Variants in CCDC158 observed in about 807,000 individuals in gnomAD.
CCDC158 encodes the protein coiled-coil domain-containing protein 158.
Under a neutral mutation model 138.6 loss-of-function variants are expected in CCDC158, and 116 were observed. That is an observed-to-expected ratio of 0.84 (90% CI 0.72 to 0.98). The LOEUF (loss-of-function observed/expected upper bound fraction) is 0.98, where lower values mean the gene tolerates loss of function less well. CCDC158 is among the 50% of genes least tolerant of loss of function. The probability of loss-of-function intolerance (pLI) is 0.00; values close to 1 mark genes in which losing one functional copy is unlikely to be tolerated. For synonymous variants in CCDC158, 436 were observed against 442.4 expected, an observed-to-expected ratio of 0.99 and a Z score of 0.18; for missense variants, 1,265 against 1,306.1, an observed-to-expected ratio of 0.97 and a Z score of 0.48.
At chr4:76,408,496 T>C (rs572020680) in intron 2 of CCDC158, among the ~76,000 whole-genome samples, 1 of 152,260 alleles carries the variant, frequency 6.6e-6, no homozygotes, top group Non-Finnish European at 1.5e-5. Flanking sequence ...TTCATCCACG[T>C]CCCTACAAAG....
At chr4:76,333,889 G>A in intron 19 of CCDC158, 121 bp downstream of exon 19, 2 of 600,214 alleles carry the variant, frequency 3.3e-6, no homozygotes, top group Non-Finnish European at 2.6e-6. Flanking sequence ...TTCTGTGGTA[G>A]TAACTTCAGA....
At chr4:76,399,296 C>T (rs1490384219) in intron 3 of CCDC158, among the ~76,000 whole-genome samples, 1 of 152,018 alleles carries the variant, frequency 6.6e-6, no homozygotes, top group Admixed American at 6.6e-5. Context: ...GAACAACACA[C>T]ACTGGGGCCT....
Position 76,384,632 on chromosome 4 carries a change from A to G in CCDC158, c.322T>C (p.Leu108=), listed in dbSNP as rs756244260. 23 of 1,613,466 alleles carry G rather than the reference A, an allele frequency of 1.4e-5. No individual in the cohort carries two copies. Among genetic ancestry groups the G allele is most frequent in the Non-Finnish European group, 1.8e-5 (21 of 1,179,816 alleles). Residue 108 remains leucine, a synonymous_variant, in exon 5 of 25, where the codon TTG becomes CTG. Coordinates refer to ENST00000682701, the MANE Select transcript of CCDC158 (RefSeq NM_001394954.1). ...NELHEKQKFY[L]RQSVIDLQTK... ...TGCAAATCAATGACTGACTGCCTCA[A>G]ATAAAACTTTTGTTTCTCATGCAAT...
chr4:76,409,391 C>T (rs1315697964), intron 2 of CCDC158, among the ~76,000 whole-genome samples: 1 of 151,840 alleles, frequency 6.6e-6, no homozygotes, highest in East Asian at 1.9e-4. Flanking sequence ...ATAACATGAA[C>T]TTACATGTGT....
At chr4:76,376,619 A>G (rs1725743187) in intron 9 of CCDC158, among the ~76,000 whole-genome samples, 1 of 152,222 alleles carries the variant, frequency 6.6e-6, no homozygotes, top group Admixed American at 6.5e-5. Context: ...TATGATCCCA[A>G]GTGAAATCCT....
intron 23 of CCDC158, 53 bp downstream of exon 23, chr4:76,325,804 T>C: frequency 6.7e-7 from 1 of 1,496,770 alleles, no homozygotes; most frequent in Non-Finnish European, 9.2e-7. Context: ...AACTTACAGT[T>C]CAGCAGTGTA....
intron 21 of CCDC158, among the ~76,000 whole-genome samples, chr4:76,330,635 G>A (rs1560790734): frequency 6.6e-6 from 1 of 152,104 alleles, no homozygotes. Flanking sequence ...AACATGTACA[G>A]GCCTTTTTTC....
chr4:76,338,286 C>A (rs1336692364), intron 18 of CCDC158, among the ~76,000 whole-genome samples: 3 of 152,044 alleles, frequency 2.0e-5, no homozygotes, highest in African/African-American at 7.2e-5. Flanking sequence ...CCGAGGTGGG[C>A]AGATCATGAG....
Position 76,380,854 on chromosome 4 carries a change from G to A in CCDC158, c.915-1450C>T, listed in dbSNP as rs138082277. Among the ~76,000 whole-genome samples the A allele has an allele frequency of 7.1e-4, 108 of 152,306 alleles. No homozygotes were observed. In the East Asian group the frequency reaches 0.02, roughly 28 times the overall value. On this transcript the variant is annotated intron_variant, in intron 8 of 24. Transcript: ENST00000682701. ...CCTCTCTATCGCTCTGTGCGTCCTC[G>A]GTACATGGCACCCTGTGTCCCAGCT...
chr4:76,323,992 G>A (rs1720286126), intron 23 of CCDC158, among the ~76,000 whole-genome samples: 1 of 152,148 alleles, frequency 6.6e-6, no homozygotes, highest in African/African-American at 2.4e-5. Flanking sequence ...CCAGTATGCT[G>A]TTTTGTCAAC....
chr4:76,370,648 G>C (rs994349795), intron 10 of CCDC158, among the ~76,000 whole-genome samples: 1 of 152,146 alleles, frequency 6.6e-6, no homozygotes, highest in African/African-American at 2.4e-5. Flanking sequence ...GGTGGTGATG[G>C]TAAGAATGAA....
rs767872164 is a variant in CCDC158, at chr4:76,325,892, G to A, written c.3134C>T (p.Ser1045Phe). The A allele has an allele frequency of 5.0e-6, 8 of 1,613,220 alleles. No individual in the cohort carries two copies. Among genetic ancestry groups the A allele is most frequent in the Admixed American group, 1.7e-5 (1 of 59,908 alleles). Residue 1045 changes from serine to phenylalanine, a missense_variant, in exon 23 of 25, where the codon TCT becomes TTT. Transcript: ENST00000682701. ...GSIGSTSQYR[S>F]AKPIHSSDSV... The stretch of plus-strand genomic sequence containing the variant: ...ATCAGATGAATGAATAGGTTTGGCA[G>A]ATCTATACTGTGATGTGGAACCTAT...
chr4:76,357,543 T>A lies in CCDC158; in HGVS notation c.2021-17A>T, dbSNP rs1404178970. On this transcript the variant is annotated splice_polypyrimidine_tract_variant and intron_variant, in intron 13 of 24. Coordinates refer to ENST00000682701, the MANE Select transcript of CCDC158 (RefSeq NM_001394954.1). ...CATACTCCTCTATACAATGTGATAA[T>A]CAATAATAGATGGTTACTTTTTTCT... The A allele has an allele frequency of 1.4e-6, 2 of 1,447,304 alleles. No homozygotes were observed. The highest frequency in any genetic ancestry group is 1.8e-6 in the Non-Finnish European group (2 of 1,081,364). The allele number at this position is 1,447,304 out of a possible 1,614,324, so 89.7% of individuals were successfully genotyped here. A position where few individuals can be genotyped will look rare whatever the true frequency, so the allele number is the denominator to read the frequency against.
chr4:76,336,181 CAAAAAAAAAAAAA>C (rs34498886), intron 18 of CCDC158, among the ~76,000 whole-genome samples: 4 of 56,044 alleles, frequency 7.1e-5, no homozygotes, highest in South Asian at 1.0e-3. Context: ...GACTCTGTCT[CAAAAAAAAAAAAA>C]AAAAAAAAAA....
At chr4:76,399,166 CAA>C (rs1474922093) in intron 3 of CCDC158, among the ~76,000 whole-genome samples, 2 of 152,088 alleles carry the variant, frequency 1.3e-5, no homozygotes, top group Admixed American at 1.3e-4. Flanking sequence ...AGAGATAAAG[CAA>C]ATATGACAAA....
At chr4:76,344,618 TGA>T in intron 18 of CCDC158, 1 of 1,463,164 alleles carries the variant, frequency 6.8e-7, no homozygotes, top group Non-Finnish European at 9.6e-7. Flanking sequence ...ATGTGCTCAG[TGA>T]GAGAGATAAA....
chr4:76,319,467 T>A (rs935733493), intron 24 of CCDC158, among the ~76,000 whole-genome samples: 135 of 9,258 alleles, frequency 0.015, 1 homozygote, highest in African/African-American at 0.025. Context: ...AAAAAAAAAA[T>A]ATATATATAT....
At chr4:76,328,779 A>T (rs1720753640) in intron 22 of CCDC158, 121 bp downstream of exon 22, 1 of 736,414 alleles carries the variant, frequency 1.4e-6, no homozygotes, top group Non-Finnish European at 2.4e-6. Context: ...AGGGAGTAGC[A>T]GGAAATGAGG....
chr4:76,390,026 G>T (rs552912062), intron 4 of CCDC158, among the ~76,000 whole-genome samples: 49 of 152,184 alleles, frequency 3.2e-4, no homozygotes, highest in Non-Finnish European at 6.5e-4. Context: ...TCATCCAAAG[G>T]TACAAAACTC....
Sources: allele counts gnomAD v4.1 joint callset (sites outside exome capture counted in the v4.1 genomes callset), GRCh38; gene constraint gnomAD v4.1.1; transcripts MANE v1.5; gene names NCBI Gene and HGNC (gene_info 2026-07-23, HGNC 2026-07-21).